Variants in PLPP3 observed in about 807,000 individuals in gnomAD.
PLPP3 encodes the protein phospholipid phosphatase 3, also known as PAP2 beta.
PLPP3 carries 6 observed loss-of-function variants against 29.6 expected under a neutral mutation model. The observed-to-expected ratio is 0.20, with a 90% confidence interval of 0.11 to 0.40. PLPP3 has a LOEUF of 0.40. Among genes scored for constraint, PLPP3 ranks in the 10% least tolerant of loss-of-function variants. PLPP3 has a pLI of 1.00. For missense variants in PLPP3, 308 were observed against 407.7 expected (o/e 0.76, Z 2.11); for synonymous variants, 152 against 159.7 (o/e 0.95, Z 0.36).
intron 1 of PLPP3, 64 bp from the exon 2 acceptor site, chr1:56,537,176 C>T: frequency 6.5e-7 from 1 of 1,530,722 alleles, no homozygotes; most frequent in Non-Finnish European, 8.9e-7. Flanking sequence ...GGGAAAACAT[C>T]AGTGCCAAAG....
chr1:56,575,263 G>A (rs1050148689), intron 1 of PLPP3, among the ~76,000 whole-genome samples: 20 of 152,300 alleles, frequency 1.3e-4, no homozygotes, highest in African/African-American at 4.6e-4. Flanking sequence ...ACTGGCCAAC[G>A]TGGAACCTGA....
chr1:56,578,948 G>T lies in PLPP3; in HGVS notation c.69C>A (p.Asn23Lys), dbSNP rs1046947891. ...TGCTGCCGCTCCTCCTCGGGTTGTTGTTGAGCGCCGGGCTGCCGCCGTTCT... is the reference window on the plus strand; with the variant it reads ...TGCTGCCGCTCCTCCTCGGGTTGTTTTTGAGCGCCGGGCTGCCGCCGTTCT... ...ESKNGGSPAL[N>K]NNPRRSGSKR... The change falls in exon 1 of 6, where the codon AAC becomes AAA. Residue 23 changes from asparagine (N) to lysine (K), a missense_variant. This residue lies in a region of PLPP3 where 67 missense variants were observed against 61.3 expected (regional missense o/e 1.09). Coordinates refer to ENST00000371250, the MANE Select transcript of PLPP3 (RefSeq NM_003713.5). 5.0e-6 allele frequency: 8 copies of T among 1,605,622 alleles called. No homozygotes were observed. The highest frequency in any genetic ancestry group is 5.9e-6 in the Non-Finnish European group (7 of 1,176,932).
At chr1:56,514,448 G>A (rs1645767638) in intron 4 of PLPP3, among the ~76,000 whole-genome samples, 1 of 152,128 alleles carries the variant, frequency 6.6e-6, no homozygotes, top group Non-Finnish European at 1.5e-5. Context: ...AAATAGGGCT[G>A]CAGAGACAAG....
At chr1:56,511,510 A>T (rs946992086) in intron 5 of PLPP3, among the ~76,000 whole-genome samples, 2 of 152,116 alleles carry the variant, frequency 1.3e-5, no homozygotes, top group Admixed American at 1.3e-4. Flanking sequence ...CAAGAAGCGG[A>T]GAAGTCCCAT....
At chr1:56,505,062 T>C (rs1645693434) in intron 5 of PLPP3, among the ~76,000 whole-genome samples, 2 of 152,256 alleles carry the variant, frequency 1.3e-5, no homozygotes, top group East Asian at 1.9e-4. Context: ...TATTGGGTTA[T>C]GATATAAAGT....
At chr1:56,552,595 T>TG (rs1190142109) in intron 1 of PLPP3, among the ~76,000 whole-genome samples, 1 of 152,184 alleles carries the variant, frequency 6.6e-6, no homozygotes, top group Non-Finnish European at 1.5e-5. Context: ...AGAGAGCTCC[T>TG]GGTTCTCATA....
At chr1:56,578,837 C>G (rs748818221) in intron 1 of PLPP3, 41 bp downstream of exon 1, 2 of 1,495,866 alleles carry the variant, frequency 1.3e-6, no homozygotes, top group African/African-American at 1.5e-5. Context: ...CGCCGAGGGA[C>G]GAGGGGCCGA....
At chr1:56,511,618 C>A (rs996264897) in intron 5 of PLPP3, among the ~76,000 whole-genome samples, 7 of 152,074 alleles carry the variant, frequency 4.6e-5, no homozygotes, top group African/African-American at 1.7e-4. Context: ...CTAAGCATGA[C>A]CTGCTGACAC....
At chr1:56,536,655 C>A (rs3927760) in intron 2 of PLPP3, among the ~76,000 whole-genome samples, 14,084 of 152,172 alleles carry the variant, frequency 0.093, 859 homozygotes, top group Middle Eastern at 0.13. Flanking sequence ...CCTTCCTGAA[C>A]TGTAAGTCTG....
At position 56,579,122 on chromosome 1, in the gene PLPP3, T is replaced by A; in HGVS notation, c.-106A>T. ...TCCTGGCCGAGGCTGCTGCGGATAGTGGCGGGTCGGCCCCGGCTCCGGGCG... is the reference window on the plus strand; with the variant it reads ...TCCTGGCCGAGGCTGCTGCGGATAGAGGCGGGTCGGCCCCGGCTCCGGGCG... On this transcript the variant is annotated 5_prime_UTR_variant, in exon 1 of 6. Coordinates refer to ENST00000371250, the MANE Select transcript of PLPP3 (RefSeq NM_003713.5). 6.2e-6 allele frequency: 9 copies of A among 1,459,924 alleles called. No homozygotes were observed. Among genetic ancestry groups the A allele is most frequent in the Middle Eastern group, 2.1e-4 (1 of 4,832 alleles). The allele number at this position is 1,459,924 out of a possible 1,614,324, so 90.4% of individuals were successfully genotyped here.
At position 56,573,872 on chromosome 1, in the gene PLPP3, A is replaced by G. The variant is rs115818331; in HGVS notation, c.139+5006T>C. On this transcript the variant is annotated intron_variant, in intron 1 of 5. Transcript: ENST00000371250. ...ACAACTGCACAAGAAAGGGTAAAGG[A>G]AGAATCTAAAATTGACAGGTAATCA... Among the ~76,000 whole-genome samples the G allele has an allele frequency of 4.7e-3, 716 of 152,284 alleles. 5 individuals are homozygous for G. The highest frequency in any genetic ancestry group is 8.6e-3 in the Admixed American group (132 of 15,298).
chr1:56,555,394 T>C (rs1481341093), intron 1 of PLPP3, among the ~76,000 whole-genome samples: 1 of 131,034 alleles, frequency 7.6e-6, no homozygotes, highest in Non-Finnish European at 1.6e-5. Context: ...GTGTGCAATT[T>C]GCCATAATCA....
At chr1:56,545,239 C>T (rs146959612) in intron 1 of PLPP3, among the ~76,000 whole-genome samples, 1 of 152,304 alleles carries the variant, frequency 6.6e-6, no homozygotes, top group South Asian at 2.1e-4. Context: ...TGCTGTATGA[C>T]CTTAACTCTC....
At chr1:56,561,929 G>C (rs1229979401) in intron 1 of PLPP3, among the ~76,000 whole-genome samples, 1 of 146,768 alleles carries the variant, frequency 6.8e-6, no homozygotes, top group Admixed American at 7.1e-5. Flanking sequence ...CAGCTACTCA[G>C]AAGGCTGAGG....
intron 1 of PLPP3, among the ~76,000 whole-genome samples, 155 bp downstream of exon 1, chr1:56,578,723 G>T (rs1646254775): frequency 6.6e-6 from 1 of 152,166 alleles, no homozygotes; most frequent in Non-Finnish European, 1.5e-5. Context: ...GGGGCTTCGG[G>T]CCTGGGCGGC....
intron 1 of PLPP3, among the ~76,000 whole-genome samples, chr1:56,565,910 A>G (rs2100302375): frequency 6.6e-6 from 1 of 152,312 alleles, no homozygotes; most frequent in Non-Finnish European, 1.5e-5. Flanking sequence ...AGTAAACTAT[A>G]TTTCACATCG....
intron 1 of PLPP3, among the ~76,000 whole-genome samples, chr1:56,543,593 G>A (rs1002420566): frequency 6.6e-6 from 1 of 152,114 alleles, no homozygotes; most frequent in Non-Finnish European, 1.5e-5. Flanking sequence ...GTAATTAATT[G>A]CTACTGGTCT....
chr1:56,555,456 A>AAC (rs1197445208), intron 1 of PLPP3, among the ~76,000 whole-genome samples: 5 of 149,468 alleles, frequency 3.3e-5, no homozygotes, highest in Non-Finnish European at 7.4e-5. Context: ...AAAAAAAAAA[A>AAC]AAAACAAAAA....
At chr1:56,509,435 T>A (rs557720459) in intron 5 of PLPP3, among the ~76,000 whole-genome samples, 2 of 152,294 alleles carry the variant, frequency 1.3e-5, no homozygotes, top group African/African-American at 4.8e-5. Context: ...TCCATGAGAA[T>A]CGTGGTGCAG....
Sources: allele counts gnomAD v4.1 joint callset (sites outside exome capture counted in the v4.1 genomes callset), GRCh38; gene constraint gnomAD v4.1.1; regional missense constraint gnomAD v4.1.1; transcripts MANE v1.5; gene names NCBI Gene and HGNC (gene_info 2026-07-23, HGNC 2026-07-21).